RGS3: variants seen among roughly 807,000 people sequenced by gnomAD.
The protein encoded by RGS3 is regulator of G-protein signalling 3.
Under a neutral mutation model 132.6 loss-of-function variants are expected in RGS3, and 80 were observed. The ratio of observed to expected loss-of-function variants is 0.60; its 90% confidence interval spans 0.50 to 0.73. RGS3 has a LOEUF of 0.73. Ranked by LOEUF, RGS3 falls within the 30% of genes least tolerant of loss-of-function variation. RGS3 has a pLI of 0.00. For missense variants in RGS3, 1,382 were observed against 1,530.8 expected, an observed-to-expected ratio of 0.90 and a Z score of 1.62; for synonymous variants, 598 against 620.6, an observed-to-expected ratio of 0.96 and a Z score of 0.54.
At chr9:113,454,286 TG>T (rs1437273100) in intron 1 of RGS3, among the ~76,000 whole-genome samples, 1 of 152,210 alleles carries the variant, frequency 6.6e-6, no homozygotes, top group Non-Finnish European at 1.5e-5. Context: ...TTCTTTAGCT[TG>T]TTCTGGGATG....
chr9:113,454,124 G>A (rs1829315860), intron 1 of RGS3, among the ~76,000 whole-genome samples: 1 of 151,956 alleles, frequency 6.6e-6, no homozygotes, highest in Non-Finnish European at 1.5e-5. Flanking sequence ...TACTTAACAT[G>A]TCATTTCTCG....
chr9:113,560,592 G>C (rs534884841), intron 19 of RGS3, among the ~76,000 whole-genome samples: 1 of 152,310 alleles, frequency 6.6e-6, no homozygotes, highest in South Asian at 2.1e-4. Context: ...CCTAGTACCG[G>C]CTCCGGCACA....
At chr9:113,573,050 G>A (rs1227065491) in intron 19 of RGS3, among the ~76,000 whole-genome samples, 3 of 152,222 alleles carry the variant, frequency 2.0e-5, no homozygotes, top group African/African-American at 7.2e-5. Flanking sequence ...CTTACTAGGT[G>A]CCAGGCCCTA....
In RGS3 at chr9:113,463,638, A is replaced by C. The variant is rs1829527978; in HGVS notation, c.415+1437A>C. On this transcript the variant is annotated intron_variant, in intron 3 of 24. Coordinates refer to ENST00000350696, the Ensembl canonical transcript of RGS3. This position sits in a 1 kb window ranked among gnomAD's most constrained non-coding sequence, Gnocchi z 4.6. ...CGGCAGGTGGAACTCTCCCCATTCA[A>C]ACCCGCGCGGGCCAATCAGGGCCGG... is the stretch of plus-strand genomic sequence containing the variant. The C allele has an allele frequency of 3.8e-6, 5 of 1,314,376 alleles. No homozygotes were observed. The highest frequency in any genetic ancestry group is 1.6e-5 in the African/African-American group (1 of 63,940). The allele number at this position is 1,314,376 out of a possible 1,614,324, so 81.4% of individuals were successfully genotyped here. A position where few individuals can be genotyped will look rare whatever the true frequency, so the allele number is the denominator to read the frequency against.
intron 3 of RGS3, among the ~76,000 whole-genome samples, chr9:113,475,281 G>A (rs925469443): frequency 1.3e-5 from 2 of 152,100 alleles, no homozygotes; most frequent in African/African-American, 4.8e-5. Flanking sequence ...CTGTCCAAAG[G>A]CCCTGCCCAA....
intron 8 of RGS3, among the ~76,000 whole-genome samples, chr9:113,496,846 C>T (rs577223799): frequency 2.0e-5 from 3 of 152,152 alleles, no homozygotes; most frequent in Non-Finnish European, 4.4e-5. Flanking sequence ...CCACCGCGCC[C>T]GGTCTAGAGC....
intron 19 of RGS3, among the ~76,000 whole-genome samples, chr9:113,561,734 G>A (rs1385421234): frequency 1.3e-5 from 2 of 152,080 alleles, no homozygotes; most frequent in Admixed American, 1.3e-4. Context: ...AAACCCATGA[G>A]GTGCATTGGT....
intron 19 of RGS3, chr9:113,570,403 G>A (rs769138084): frequency 1.3e-5 from 2 of 152,164 alleles, no homozygotes; most frequent in Non-Finnish European, 2.9e-5. Context: ...GGAGCTCACC[G>A]AGAAGCAGTG....
Position 113,596,712 on chromosome 9 carries a change from C to T in RGS3, c.3412-56C>T, listed in dbSNP as rs966542827. On this transcript the variant is annotated intron_variant, in intron 24 of 24. Coordinates refer to ENST00000350696, the Ensembl canonical transcript of RGS3. ...GATGGGTCCCTTCCAGGCACATGGG[C>T]CCTAGGGTCAGTCCCCAGCAGGCAG... 29 of 1,498,204 alleles carry T rather than the reference C, an allele frequency of 1.9e-5. No individual in the cohort carries two copies. In the African/African-American group the frequency reaches 2.9e-4, roughly 15 times the overall value. 92.8% of individuals were successfully genotyped at this position (1,498,204 alleles called of 1,614,324 possible). A position where few individuals can be genotyped will look rare whatever the true frequency, so the allele number is the denominator to read the frequency against.
At chr9:113,499,226 CAAAAAAAAAAAA>C (rs57507668) in intron 10 of RGS3, among the ~76,000 whole-genome samples, 3 of 60,682 alleles carry the variant, frequency 4.9e-5, no homozygotes, top group African/African-American at 1.2e-4. Flanking sequence ...GATTCCATCT[CAAAAAAAAAAAA>C]AAAAAAAAAG....
At chr9:113,503,611 C>G (rs1182089587) in intron 10 of RGS3, among the ~76,000 whole-genome samples, 1 of 152,188 alleles carries the variant, frequency 6.6e-6, no homozygotes, top group African/African-American at 2.4e-5. Flanking sequence ...CCAGACCCCA[C>G]TCTCCAGTTA....
intron 7 of RGS3, among the ~76,000 whole-genome samples, chr9:113,487,947 C>T (rs777682054): frequency 6.6e-6 from 1 of 152,124 alleles, no homozygotes; most frequent in Non-Finnish European, 1.5e-5. Flanking sequence ...TGCATTTAAA[C>T]ATGTTTGCAG....
In RGS3 at chr9:113,580,357, T is replaced by G. The variant is rs370349989; in HGVS notation, c.2038-3093T>G. On this transcript the variant is annotated intron_variant, in intron 19 of 24. Coordinates refer to ENST00000350696, the Ensembl canonical transcript of RGS3. The stretch of plus-strand genomic sequence containing the variant: ...CCTGCATCAGCCTCTCATTCTTAGG[T>G]AATTCCTTTACCCTCTGGGACCCCA... Among the ~76,000 whole-genome samples, 8 of 152,350 alleles carry G rather than the reference T, an allele frequency of 5.3e-5. 1 individual carries two copies. Among genetic ancestry groups the G allele is most frequent in the African/African-American group, 1.9e-4 (8 of 41,578 alleles).
intron 1 of RGS3, among the ~76,000 whole-genome samples, chr9:113,451,801 T>G (rs1244360163): frequency 6.6e-6 from 1 of 151,998 alleles, no homozygotes; most frequent in Non-Finnish European, 1.5e-5. Flanking sequence ...AGTGTTCTCT[T>G]TATTCCTTTG....
At chr9:113,562,201 G>T (rs1833818890) in intron 19 of RGS3, among the ~76,000 whole-genome samples, 1 of 152,148 alleles carries the variant, frequency 6.6e-6, no homozygotes, top group Admixed American at 6.5e-5. Flanking sequence ...CTGAGGCTGG[G>T]CACGTGGCTC....
intron 19 of RGS3, among the ~76,000 whole-genome samples, chr9:113,572,981 C>T (rs1458639127): frequency 3.3e-5 from 5 of 152,182 alleles, no homozygotes; most frequent in African/African-American, 1.2e-4. Flanking sequence ...CTGATGATGT[C>T]GATGATCGTC....
intron 13 of RGS3, 92 bp from the exon 12 acceptor site, chr9:113,508,449 C>A: frequency 7.3e-7 from 1 of 1,366,616 alleles, no homozygotes; most frequent in Non-Finnish European, 1.0e-6. Context: ...TGCTCCACTT[C>A]CTCTCCCCTG....
chr9:113,565,580 T>C lies in RGS3; in HGVS notation c.2038-17870T>C. 1 of 247,674 alleles carries C rather than the reference T, an allele frequency of 4.0e-6. No homozygotes were observed. Among genetic ancestry groups the C allele is most frequent in the Non-Finnish European group, 7.9e-6 (1 of 126,108 alleles). The allele number at this position is 247,674 out of a possible 1,614,324, so 15.3% of individuals were successfully genotyped here. Reference sequence around the variant, plus strand: ...TAGCTCTGCTGACACAAAGGAGCTCTGTCTGGGGAAGGCAGCCGCTTGACA... The same window carrying C: ...TAGCTCTGCTGACACAAAGGAGCTCCGTCTGGGGAAGGCAGCCGCTTGACA... On this transcript the variant is annotated intron_variant, in intron 19 of 24. Coordinates refer to ENST00000350696, the Ensembl canonical transcript of RGS3. This position sits in a 1 kb window ranked among gnomAD's most constrained non-coding sequence, Gnocchi z 5.7.
At position 113,595,098 on chromosome 9, in the gene RGS3, G is replaced by T. The variant is rs1399307480; in HGVS notation, c.3244+118G>T. On this transcript the variant is annotated intron_variant, in intron 23 of 24. Transcript: ENST00000350696. ...GCCTTCCCTCTCCTCGGCCGTCAGG[G>T]TGTCCTTGCTGTTGCGGAGGGGCTG... 4.1e-6 allele frequency: 4 copies of T among 976,318 alleles called. No individual in the cohort carries two copies. The African/African-American group carries it at 4.8e-5, about 12-fold the overall frequency. 60.5% of individuals were successfully genotyped at this position (976,318 alleles called of 1,614,324 possible).
Sources: allele counts gnomAD v4.1 joint callset (sites outside exome capture counted in the v4.1 genomes callset), GRCh38; gene constraint gnomAD v4.1.1; non-coding constraint Gnocchi (gnomAD v3.1); transcripts MANE v1.5; gene names NCBI Gene and HGNC (gene_info 2026-07-23, HGNC 2026-07-21).